C9: variants seen among roughly 807,000 people sequenced by gnomAD.
C9 encodes complement component C9.
C9 carries 63 observed loss-of-function variants against 65.4 expected under a neutral mutation model. That is an observed-to-expected ratio of 0.96 (90% CI 0.79 to 1.19). The LOEUF is 1.19. Ranked by LOEUF, C9 falls within the 50% of genes most tolerant of loss-of-function variation. The probability of loss-of-function intolerance (pLI) is 0.00; values close to 1 mark genes in which losing one functional copy is unlikely to be tolerated. For synonymous variants in C9, 229 were observed against 227.9 expected, an observed-to-expected ratio of 1.00 and a Z score of -0.04; for missense variants, 744 against 670.1, an observed-to-expected ratio of 1.11 and a Z score of -1.22.
chr5:39,348,001 T>A (rs75148487), intron 1 of C9, among the ~76,000 whole-genome samples: 2 of 141,720 alleles, frequency 1.4e-5, no homozygotes, highest in African/African-American at 2.6e-5. Flanking sequence ...CTTCCTTATA[T>A]CTTATACAAA....
chr5:39,359,088 A>ATGTGTGTG (rs72196067), intron 1 of C9, among the ~76,000 whole-genome samples: 16 of 109,266 alleles, frequency 1.5e-4, no homozygotes, highest in South Asian at 2.9e-4. Flanking sequence ...GTATATATAT[A>ATGTGTGTG]TGTGTGTGTG....
chr5:39,291,989 C>A (rs462477), intron 9 of C9, among the ~76,000 whole-genome samples: 54,379 of 151,162 alleles, frequency 0.36, 10,881 homozygotes, highest in Non-Finnish European at 0.46. Context: ...TACTGGAATC[C>A]TTGAAAAAAG....
At chr5:39,326,119 C>G (rs1268964736) in intron 5 of C9, among the ~76,000 whole-genome samples, 4 of 152,114 alleles carry the variant, frequency 2.6e-5, no homozygotes, top group Non-Finnish European at 5.9e-5. Context: ...ATTCTAATCA[C>G]TTCACAGTTA....
At chr5:39,318,850 C>T (rs554926993) in intron 5 of C9, among the ~76,000 whole-genome samples, 1 of 152,326 alleles carries the variant, frequency 6.6e-6, no homozygotes, top group Admixed American at 6.5e-5. Context: ...GAAAAGCAAA[C>T]TAACCATTGC....
chr5:39,291,872 GAAATTAGCC>G (rs1159729056), intron 9 of C9, among the ~76,000 whole-genome samples: 1 of 151,778 alleles, frequency 6.6e-6, no homozygotes, highest in Non-Finnish European at 1.5e-5. Flanking sequence ...AAGGGTGGTA[GAAATTAGCC>G]AAATTAAAGT....
chr5:39,317,087 C>G (rs992525470), intron 5 of C9, among the ~76,000 whole-genome samples: 18 of 152,160 alleles, frequency 1.2e-4, no homozygotes, highest in Non-Finnish European at 1.8e-4. Flanking sequence ...TTGCATTTCT[C>G]TAATGATCAG....
At chr5:39,348,680 C>G (rs1754256356) in intron 1 of C9, among the ~76,000 whole-genome samples, 1 of 152,098 alleles carries the variant, frequency 6.6e-6, no homozygotes. Context: ...GGTATATACC[C>G]AAAGGATTAT....
chr5:39,338,462 C>A (rs1396225499), intron 4 of C9, among the ~76,000 whole-genome samples: 1 of 152,112 alleles, frequency 6.6e-6, no homozygotes, highest in Non-Finnish European at 1.5e-5. Flanking sequence ...GAATATAATA[C>A]CTCCTCTAAC....
At chr5:39,334,211 G>A (rs1001338115) in intron 4 of C9, among the ~76,000 whole-genome samples, 3 of 150,808 alleles carry the variant, frequency 2.0e-5, no homozygotes, top group South Asian at 2.1e-4. Context: ...AGTGAGGAGC[G>A]TCTCTGCCCG....
At chr5:39,328,458 T>C (rs2111922808) in intron 5 of C9, among the ~76,000 whole-genome samples, 1 of 152,306 alleles carries the variant, frequency 6.6e-6, no homozygotes, top group East Asian at 1.9e-4. Flanking sequence ...TAGCTGTTTT[T>C]GTGTGAGCAT....
chr5:39,349,399 T>A (rs1754276688), intron 1 of C9, among the ~76,000 whole-genome samples: 1 of 152,148 alleles, frequency 6.6e-6, no homozygotes, highest in South Asian at 2.1e-4. Flanking sequence ...CCATCCCTGA[T>A]TACACATTTT....
rs1366887364 is a variant in C9 at position 39,306,689 on chromosome 5, G to A, written c.1344C>T (p.Thr448=). The change falls in exon 9 of 11, where the codon ACC becomes ACT. Residue 448 remains threonine (T), a synonymous_variant. Coordinates refer to ENST00000263408, the MANE Select transcript of C9 (RefSeq NM_001737.5). ...FELKEKLLRG[T]VIDVTDFVNW... ...TGACAAAGTCAGTCACATCAATCAC[G>A]GTTCCTCGGAGAAGCTTTTCTTTCA... The A allele has an allele frequency of 5.0e-6, 8 of 1,613,228 alleles. No individual in the cohort carries two copies. The highest frequency in any genetic ancestry group is 1.6e-4 in the Middle Eastern group (1 of 6,080).
chr5:39,359,102 G>GTGTGTATATATATATATATA (rs1407613505), intron 1 of C9, among the ~76,000 whole-genome samples: 3,078 of 103,314 alleles, frequency 0.03, 123 homozygotes, highest in Non-Finnish European at 0.039. Context: ...GTGTGTGTGT[G>GTGTGTATATATATATATATA]TATATATATA....
intron 10 of C9, among the ~76,000 whole-genome samples, chr5:39,286,612 A>G (rs1444252308): frequency 6.6e-6 from 1 of 152,058 alleles, no homozygotes; most frequent in African/African-American, 2.4e-5. Flanking sequence ...ATTAAAAGCT[A>G]GAACTAAAGA....
intron 4 of C9, among the ~76,000 whole-genome samples, chr5:39,336,856 T>A (rs1753977299): frequency 6.6e-6 from 1 of 151,864 alleles, no homozygotes; most frequent in African/African-American, 2.4e-5. Context: ...CATCAAAAAT[T>A]ATTTTTATGC....
chr5:39,300,690 T>A (rs1753263253), intron 9 of C9, among the ~76,000 whole-genome samples: 1 of 152,236 alleles, frequency 6.6e-6, no homozygotes, highest in South Asian at 2.1e-4. Context: ...TAAATTTGTA[T>A]GCCTTTGGTA....
At chr5:39,318,716 AT>A (rs1252445521) in intron 5 of C9, among the ~76,000 whole-genome samples, 4 of 152,042 alleles carry the variant, frequency 2.6e-5, no homozygotes, top group African/African-American at 9.7e-5. Context: ...CATGGACTGG[AT>A]TTAGTATTGA....
Position 39,284,839 on chromosome 5 carries a change from T to C in C9, c.*360A>G, listed in dbSNP as rs1211641976. The C allele has an allele frequency of 1.4e-5, 4 of 284,478 alleles. No homozygotes were observed. The highest frequency in any genetic ancestry group is 2.0e-5 in the Non-Finnish European group (3 of 149,488). 17.6% of individuals were successfully genotyped at this position (284,478 alleles called of 1,614,324 possible). A position where few individuals can be genotyped will look rare whatever the true frequency, so the allele number is the denominator to read the frequency against. ...ACGTGTGGTCATGGACCTGGCAGAA[T>C]ATGTTAACCATACAAAGCCGTTTGA... is the stretch of plus-strand genomic sequence containing the variant. On this transcript the variant is annotated 3_prime_UTR_variant, in exon 11 of 11. Transcript: ENST00000263408.
At chr5:39,309,557 C>T (rs1346739590) in intron 7 of C9, among the ~76,000 whole-genome samples, 1 of 152,142 alleles carries the variant, frequency 6.6e-6, no homozygotes, top group Non-Finnish European at 1.5e-5. Flanking sequence ...TTCTAGATTT[C>T]TAACCTTATC....
Sources: gnomAD v4.1 joint callset for allele counts (sites outside exome capture counted in the v4.1 genomes callset) on GRCh38, gnomAD v4.1.1 for gene constraint, MANE v1.5 for transcripts, NCBI Gene and HGNC (gene_info 2026-07-23, HGNC 2026-07-21) for gene names.